Variants in MAF observed in about 807,000 individuals in gnomAD.
The protein encoded by MAF is transcription factor Maf.
Under a neutral mutation model 22.0 loss-of-function variants are expected in MAF, and 10 were observed. The ratio of observed to expected loss-of-function variants is 0.45; its 90% CI spans 0.28 to 0.77. The LOEUF (loss-of-function observed/expected upper bound fraction) is 0.77, where lower values mean the gene tolerates loss of function less well. MAF is among the 30% of genes least tolerant of loss of function. MAF has a pLI of 0.12. For missense variants in MAF, 544 were observed against 548.4 expected (o/e 0.99, Z 0.08); for synonymous variants, 337 against 255.8 (o/e 1.32, Z -3.03).
the MAF span, among the ~76,000 whole-genome samples, chr16:79,315,421 A>G: frequency 6.6e-6 from 1 of 152,240 alleles, no homozygotes; most frequent in East Asian, 1.9e-4. Flanking sequence ...AATTTTAATT[A>G]TAAAATTTAT....
At chr16:79,585,934 T>C in exon 2 of MAF, 1 of 685,314 alleles carries the variant, frequency 1.5e-6, no homozygotes, top group Non-Finnish European at 2.6e-6. Context: ...GAGGATTCCC[T>C]TGGGTACCTG....
At chr16:79,467,755 C>A in the MAF span, among the ~76,000 whole-genome samples, 1 of 152,156 alleles carries the variant, frequency 6.6e-6, no homozygotes, top group Non-Finnish European at 1.5e-5. Context: ...AGTGTATGCT[C>A]AAGTTTGTGA....
the MAF span, among the ~76,000 whole-genome samples, chr16:79,341,371 C>T: frequency 2.0e-5 from 3 of 152,138 alleles, no homozygotes; most frequent in East Asian, 1.9e-4. Flanking sequence ...CAGCTTGGTA[C>T]GGAAGCTCAG....
chr16:79,335,491 C>T, the MAF span, among the ~76,000 whole-genome samples: 2 of 151,938 alleles, frequency 1.3e-5, no homozygotes, highest in Non-Finnish European at 2.9e-5. Flanking sequence ...CAGGAAGGAC[C>T]CTCTCCAGTG....
chr16:79,218,686 G>C, the MAF span, among the ~76,000 whole-genome samples: 37 of 152,308 alleles, frequency 2.4e-4, no homozygotes, highest in Middle Eastern at 0.014. Context: ...CTTATTTAAA[G>C]TATAAGCATT....
At chr16:79,557,356 G>A in the MAF span, among the ~76,000 whole-genome samples, 2 of 152,132 alleles carry the variant, frequency 1.3e-5, no homozygotes, top group Admixed American at 6.5e-5. Context: ...CTTTGCCAAT[G>A]ATCCTGTCAC....
At chr16:79,211,486 C>T in the MAF span, 3 of 1,293,752 alleles carry the variant, frequency 2.3e-6, no homozygotes, top group Non-Finnish European at 3.3e-6. Context: ...TTTGCTATGC[C>T]AAGATCCAGC....
At chr16:79,590,557 C>T (rs1597837370), downstream of MAF, among the ~76,000 whole-genome samples, 1 of 152,106 alleles carries the variant, frequency 6.6e-6, no homozygotes, top group Non-Finnish European at 1.5e-5. Context: ...ATGGAGAGGA[C>T]ACTGGGATTG....
chr16:79,349,127 A>G, the MAF span, among the ~76,000 whole-genome samples: 2 of 152,206 alleles, frequency 1.3e-5, no homozygotes, highest in Non-Finnish European at 2.9e-5. Context: ...TGGCGGGGTT[A>G]TTAACTCAGT....
chr16:79,481,618 A>G, the MAF span, among the ~76,000 whole-genome samples: 2 of 152,060 alleles, frequency 1.3e-5, no homozygotes, highest in African/African-American at 4.8e-5. Context: ...CCATTCACCC[A>G]TCCATCCATC....
At chr16:79,424,487 G>C in the MAF span, among the ~76,000 whole-genome samples, 2 of 152,176 alleles carry the variant, frequency 1.3e-5, no homozygotes, top group South Asian at 4.1e-4. Context: ...AAAAAAATTA[G>C]AAGTTATATT....
chr16:79,514,395 G>T, the MAF span, among the ~76,000 whole-genome samples: 4 of 152,174 alleles, frequency 2.6e-5, no homozygotes, highest in Non-Finnish European at 4.4e-5. Context: ...GTAAAGATGA[G>T]CTTTCCTACA....
At chr16:79,252,468 A>G in the MAF span, among the ~76,000 whole-genome samples, 8 of 151,908 alleles carry the variant, frequency 5.3e-5, no homozygotes, top group Non-Finnish European at 1.0e-4. Flanking sequence ...TGCTATAAAG[A>G]TTGTCAGGAG....
chr16:79,586,853 CAG>C (rs1249265559), intron 1 of MAF, among the ~76,000 whole-genome samples: 1 of 152,218 alleles, frequency 6.6e-6, no homozygotes, highest in Non-Finnish European at 1.5e-5. Context: ...AACATGGTCA[CAG>C]AAAATCTGTG....
the MAF span, among the ~76,000 whole-genome samples, chr16:79,431,958 G>C: frequency 6.6e-6 from 1 of 152,096 alleles, no homozygotes; most frequent in Non-Finnish European, 1.5e-5. Context: ...ATATCCACTG[G>C]AATATATTCC....
chr16:79,508,326 C>T, the MAF span, among the ~76,000 whole-genome samples: 16 of 152,260 alleles, frequency 1.1e-4, no homozygotes, highest in African/African-American at 3.9e-4. Context: ...AGGAGGTAGG[C>T]AGCAGAGTGA....
At chr16:79,448,112 G>C in the MAF span, among the ~76,000 whole-genome samples, 14 of 152,164 alleles carry the variant, frequency 9.2e-5, no homozygotes, top group Admixed American at 7.9e-4. Context: ...AGCAGCGTTT[G>C]AGAGGTTTGA....
chr16:79,393,293 C>T, the MAF span, among the ~76,000 whole-genome samples: 1 of 152,182 alleles, frequency 6.6e-6, no homozygotes. Context: ...TGGGGGTTGG[C>T]TATTCCCTTG....
chr16:79,557,826 C>G, the MAF span, among the ~76,000 whole-genome samples: 1 of 151,910 alleles, frequency 6.6e-6, no homozygotes, highest in Non-Finnish European at 1.5e-5. Context: ...AGATGCATCC[C>G]AATAAGTTGA....
Sources: allele counts gnomAD v4.1 joint callset (sites outside exome capture counted in the v4.1 genomes callset), GRCh38; gene constraint gnomAD v4.1.1; transcripts MANE v1.5; gene names NCBI Gene and HGNC (gene_info 2026-07-23, HGNC 2026-07-21).